Variants in PAFAH1B1 observed in about 807,000 individuals in gnomAD.
PAFAH1B1 encodes the protein platelet-activating factor acetylhydrolase IB subunit beta.
Under a neutral mutation model 57.5 loss-of-function variants are expected in PAFAH1B1, and 2 were observed. That is an observed-to-expected ratio of 0.03 (90% CI 0.01 to 0.11). The LOEUF (loss-of-function observed/expected upper bound fraction) is 0.11. Ranked by LOEUF, PAFAH1B1 falls within the 10% of genes least tolerant of loss-of-function variation. PAFAH1B1 has a pLI of 1.00. For synonymous variants in PAFAH1B1, 152 were observed against 169.6 expected (o/e 0.90, Z 0.81); for missense variants, 257 against 512.0 (o/e 0.50, Z 4.81).
At chr17:2,611,461 C>A (rs2068265853) in intron 1 of PAFAH1B1, among the ~76,000 whole-genome samples, 1 of 150,884 alleles carries the variant, frequency 6.6e-6, no homozygotes, top group Non-Finnish European at 1.5e-5. Flanking sequence ...GAGCAAGACT[C>A]CGTCTCGGGG....
intron 1 of PAFAH1B1, among the ~76,000 whole-genome samples, chr17:2,606,152 T>G (rs1238685425): frequency 2.0e-5 from 3 of 152,086 alleles, no homozygotes; most frequent in African/African-American, 7.2e-5. Context: ...CTTAGGAAAT[T>G]TGTAGATTTC....
intron 1 of PAFAH1B1, among the ~76,000 whole-genome samples, chr17:2,615,843 T>C (rs1487247716): frequency 6.6e-6 from 1 of 152,164 alleles, no homozygotes; most frequent in African/African-American, 2.4e-5. Context: ...GTTTGATCAG[T>C]CTGGTGTGGC....
Position 2,665,364 on chromosome 17 carries a change from T to C in PAFAH1B1, c.33-8T>C. The C allele has an allele frequency of 6.4e-7, 1 of 1,555,588 alleles. No individual in the cohort carries two copies. Among genetic ancestry groups the C allele is most frequent in the Non-Finnish European group, 8.9e-7 (1 of 1,128,932 alleles). On this transcript the variant is annotated splice_region_variant and splice_polypyrimidine_tract_variant and intron_variant, in intron 2 of 10. Transcript: ENST00000397195. Reference sequence around the variant, plus strand: ...TTTTTTTAGGAGTCATTTGAATTTTTCTTTCAGAAATCGAGCTATAGCAGA... The same window carrying C: ...TTTTTTTAGGAGTCATTTGAATTTTCCTTTCAGAAATCGAGCTATAGCAGA...
chr17:2,673,051 A>G (rs1056155224), intron 7 of PAFAH1B1, among the ~76,000 whole-genome samples: 6 of 151,868 alleles, frequency 4.0e-5, no homozygotes, highest in African/African-American at 9.7e-5. Context: ...CTGGGCAACA[A>G]GAGTGAGACT....
chr17:2,654,682 C>T (rs1489395648), intron 2 of PAFAH1B1, among the ~76,000 whole-genome samples: 1 of 152,114 alleles, frequency 6.6e-6, no homozygotes, highest in Non-Finnish European at 1.5e-5. Context: ...GGCTCTGTTA[C>T]CGAGGCTGGA....
chr17:2,656,123 A>G (rs1164490722), intron 2 of PAFAH1B1, among the ~76,000 whole-genome samples: 1 of 151,974 alleles, frequency 6.6e-6, no homozygotes, highest in Non-Finnish European at 1.5e-5. Context: ...ACGGGGTTTC[A>G]CTATGTTGGC....
chr17:2,634,999 C>G (rs1025852362), intron 1 of PAFAH1B1, among the ~76,000 whole-genome samples: 1 of 151,950 alleles, frequency 6.6e-6, no homozygotes, highest in Non-Finnish European at 1.5e-5. Flanking sequence ...CCCGTCTTTA[C>G]TAAAAATACA....
intron 2 of PAFAH1B1, among the ~76,000 whole-genome samples, chr17:2,653,007 C>T (rs1053757312): frequency 6.6e-6 from 1 of 152,130 alleles, no homozygotes; most frequent in Admixed American, 6.6e-5. Flanking sequence ...ATAGCAAAGA[C>T]TTGGAACCAA....
Position 2,684,180 on chromosome 17 carries a change from A to G in PAFAH1B1, c.*2378A>G, listed in dbSNP as rs913371423. 4 of 152,646 alleles carry G rather than the reference A, an allele frequency of 2.6e-5. No individual in the cohort carries two copies. The highest frequency in any genetic ancestry group is 7.2e-5 in the African/African-American group (3 of 41,448). 9.5% of individuals were successfully genotyped at this position (152,646 alleles called of 1,614,324 possible). A position where few individuals can be genotyped will look rare whatever the true frequency, so the allele number is the denominator to read the frequency against. ...ACATTGAATCTCAGGGATGGCCCAC[A>G]ACTGGGTCCACATGTAATGAGCCCT... is the stretch of plus-strand genomic sequence containing the variant. On this transcript the variant is annotated 3_prime_UTR_variant, in exon 11 of 11. Transcript: ENST00000397195.
chr17:2,674,463 C>A (rs1363233069), intron 8 of PAFAH1B1, among the ~76,000 whole-genome samples, 175 bp downstream of exon 8: 3 of 152,128 alleles, frequency 2.0e-5, no homozygotes, highest in African/African-American at 7.2e-5. Context: ...CATTATTTAA[C>A]CAGTGATGAT....
At chr17:2,634,826 C>A (rs1403905409) in intron 1 of PAFAH1B1, among the ~76,000 whole-genome samples, 4 of 152,158 alleles carry the variant, frequency 2.6e-5, no homozygotes, top group African/African-American at 9.7e-5. Context: ...TTTTAATTGC[C>A]TTCTTGGCCG....
chr17:2,651,405 C>T (rs557985156), intron 2 of PAFAH1B1, among the ~76,000 whole-genome samples: 239 of 143,646 alleles, frequency 1.7e-3, no homozygotes, highest in African/African-American at 5.7e-3. Flanking sequence ...GGCAAAACCC[C>T]GTCTCTACAA....
At chr17:2,634,066 G>A (rs1052227997) in intron 1 of PAFAH1B1, among the ~76,000 whole-genome samples, 3 of 148,108 alleles carry the variant, frequency 2.0e-5, no homozygotes, top group South Asian at 2.1e-4. Flanking sequence ...ATCAACATAC[G>A]TAAAATGGAG....
intron 2 of PAFAH1B1, among the ~76,000 whole-genome samples, chr17:2,649,603 T>C (rs1385405781): frequency 6.6e-6 from 1 of 152,086 alleles, no homozygotes; most frequent in African/African-American, 2.4e-5. Context: ...CTGTTCTTGT[T>C]GTTGGATAAT....
At chr17:2,651,964 C>T (rs2068856136) in intron 2 of PAFAH1B1, among the ~76,000 whole-genome samples, 1 of 152,134 alleles carries the variant, frequency 6.6e-6, no homozygotes, top group South Asian at 2.1e-4. Context: ...AATTCACTGC[C>T]CTAAAAATCT....
At chr17:2,652,604 G>T (rs940321680) in intron 2 of PAFAH1B1, among the ~76,000 whole-genome samples, 1 of 152,146 alleles carries the variant, frequency 6.6e-6, no homozygotes, top group Non-Finnish European at 1.5e-5. Flanking sequence ...TTGGAAAGCG[G>T]TTTTTCCCTG....
At chr17:2,666,943 C>A in intron 4 of PAFAH1B1, 49 bp from the exon 5 acceptor site, 2 of 1,407,776 alleles carry the variant, frequency 1.4e-6, no homozygotes, top group Non-Finnish European at 1.0e-6. Context: ...ATGTCACATG[C>A]TATTTTTATT....
At chr17:2,610,975 C>A (rs1029333727) in intron 1 of PAFAH1B1, among the ~76,000 whole-genome samples, 1 of 152,096 alleles carries the variant, frequency 6.6e-6, no homozygotes, top group African/African-American at 2.4e-5. Flanking sequence ...CAAGTACAGA[C>A]CATTCATATG....
chr17:2,613,769 G>T, intron 1 of PAFAH1B1: 1 of 313,112 alleles, frequency 3.2e-6, no homozygotes, highest in Non-Finnish European at 6.4e-6. Context: ...TGTGGCGCTG[G>T]GCCAGGTTCT....
Sources: allele counts gnomAD v4.1 joint callset (sites outside exome capture counted in the v4.1 genomes callset), GRCh38; gene constraint gnomAD v4.1.1; transcripts MANE v1.5; gene names NCBI Gene and HGNC (gene_info 2026-07-23, HGNC 2026-07-21).